WDR41: variants seen among roughly 807,000 people sequenced by gnomAD.
WDR41 encodes WD repeat-containing protein 41.
In WDR41, 63 loss-of-function variants were observed where a neutral mutation model predicts 69.3. The observed-to-expected ratio is 0.91, with a 90% CI of 0.74 to 1.12. WDR41 has a LOEUF of 1.12. Ranked by LOEUF, WDR41 falls within the 50% of genes most tolerant of loss-of-function variation. WDR41 has a pLI of 0.00. For synonymous variants in WDR41, 185 were observed against 192.1 expected (o/e 0.96, Z 0.31); for missense variants, 543 against 534.5 (o/e 1.02, Z -0.16).
intron 10 of WDR41, 75 bp from the exon 11 acceptor site, chr5:77,437,499 A>G: frequency 2.4e-6 from 3 of 1,269,842 alleles, no homozygotes; most frequent in Non-Finnish European, 3.4e-6. Flanking sequence ...AGTGAAAGAA[A>G]TCAGTGGAGC....
intron 1 of WDR41, among the ~76,000 whole-genome samples, chr5:77,565,708 C>T (rs965106867): frequency 2.6e-5 from 4 of 152,258 alleles, no homozygotes; most frequent in East Asian, 1.9e-4. Context: ...TACCTAGTGT[C>T]CTCTAGCCAT....
rs566573406 is a variant in WDR41, at chr5:77,587,201, T to G, written c.42+33278A>C. 3.3e-5 allele frequency among the ~76,000 whole-genome samples: 5 copies of G among 152,040 alleles called. No homozygotes were observed. In the South Asian group the frequency reaches 1.0e-3, roughly 32 times the overall value. On this transcript the variant is annotated intron_variant, in intron 1 of 5. Transcript: ENST00000509971. ...TGCCTGCTCCTGAAGTTTATATAAA[T>G]GATACAACCTGTATTTTTTTGTGTT...
chr5:77,477,157 C>G (rs1329680360), intron 2 of WDR41, among the ~76,000 whole-genome samples: 1 of 147,654 alleles, frequency 6.8e-6, no homozygotes, highest in Non-Finnish European at 1.5e-5. Context: ...AATACAGGAG[C>G]ACCCAGATGA....
chr5:77,456,996 AC>A (rs1417974341), intron 5 of WDR41, among the ~76,000 whole-genome samples: 1 of 152,114 alleles, frequency 6.6e-6, no homozygotes, highest in East Asian at 1.9e-4. Context: ...GAACTACCAC[AC>A]CCAGCCTAGC....
intron 1 of WDR41, among the ~76,000 whole-genome samples, chr5:77,580,420 C>T (rs934289139): frequency 6.6e-6 from 1 of 152,022 alleles, no homozygotes; most frequent in Non-Finnish European, 1.5e-5. Context: ...GAAACTGCCC[C>T]CATGATTCAA....
intron 1 of WDR41, among the ~76,000 whole-genome samples, chr5:77,506,120 A>T (rs751325754): frequency 3.3e-5 from 5 of 152,324 alleles, no homozygotes; most frequent in South Asian, 2.1e-4. Flanking sequence ...ATGCGAGAAA[A>T]TTTTTGCAAT....
chr5:77,592,273 A>G (rs566020371), intron 1 of WDR41, among the ~76,000 whole-genome samples: 1 of 152,140 alleles, frequency 6.6e-6, no homozygotes, highest in Admixed American at 6.6e-5. Context: ...TTTTAAATTG[A>G]GTCTGATAGT....
chr5:77,545,517 C>T (rs1032534651), intron 1 of WDR41: 6 of 238,380 alleles, frequency 2.5e-5, no homozygotes, highest in Non-Finnish European at 4.9e-5. Flanking sequence ...GTCGCAGCCA[C>T]GGAGCTTGCG....
chr5:77,587,888 C>T (rs1458825906), intron 1 of WDR41, among the ~76,000 whole-genome samples: 4 of 152,222 alleles, frequency 2.6e-5, no homozygotes, highest in South Asian at 2.1e-4. Flanking sequence ...GCAGCTAGAG[C>T]GCCATCTCCA....
At chr5:77,593,789 C>T (rs962230237) in intron 1 of WDR41, among the ~76,000 whole-genome samples, 3 of 152,146 alleles carry the variant, frequency 2.0e-5, no homozygotes, top group Non-Finnish European at 2.9e-5. Flanking sequence ...GTCTAATGCT[C>T]ATTCTATTTC....
intron 5 of WDR41, among the ~76,000 whole-genome samples, chr5:77,457,987 T>C (rs1042111075): frequency 1.4e-4 from 22 of 152,104 alleles, no homozygotes; most frequent in African/African-American, 5.1e-4. Flanking sequence ...CAAAAGGAAT[T>C]TCCCCCAAAT....
intron 1 of WDR41, among the ~76,000 whole-genome samples, chr5:77,536,282 G>C (rs972862625): frequency 1.3e-5 from 2 of 151,932 alleles, no homozygotes; most frequent in Admixed American, 6.6e-5. Flanking sequence ...CTAGGTGCCG[G>C]GGACCTATAT....
intron 1 of WDR41, among the ~76,000 whole-genome samples, chr5:77,543,818 T>C (rs1743139304): frequency 6.6e-6 from 1 of 152,064 alleles, no homozygotes; most frequent in Admixed American, 6.5e-5. Flanking sequence ...CCTGGGAAAT[T>C]CATCACAAAA....
chr5:77,570,608 A>C (rs913574053), intron 1 of WDR41, among the ~76,000 whole-genome samples: 2 of 151,144 alleles, frequency 1.3e-5, no homozygotes, highest in Non-Finnish European at 2.9e-5. Flanking sequence ...TTTTAAAAAA[A>C]TGTAATCCTA....
chr5:77,594,739 AG>A (rs1181747559), intron 1 of WDR41, among the ~76,000 whole-genome samples: 16 of 152,238 alleles, frequency 1.1e-4, no homozygotes, highest in East Asian at 1.9e-4. Context: ...TCTGAGCTAC[AG>A]GGGAAAAAAA....
intron 2 of WDR41, among the ~76,000 whole-genome samples, chr5:77,484,290 G>A (rs1801412412): frequency 6.6e-6 from 1 of 152,168 alleles, no homozygotes; most frequent in Admixed American, 6.5e-5. Flanking sequence ...AGCAGCAAGG[G>A]TGGCACACGC....
At chr5:77,608,827 T>G (rs1308925738) in intron 1 of WDR41, among the ~76,000 whole-genome samples, 1 of 152,152 alleles carries the variant, frequency 6.6e-6, no homozygotes, top group African/African-American at 2.4e-5. Context: ...CAGTGCACCG[T>G]GCGCAAGCCG....
chr5:77,583,058 T>C, intron 1 of WDR41: 3 of 1,596,064 alleles, frequency 1.9e-6, no homozygotes, highest in Admixed American at 1.7e-5. Flanking sequence ...ACCCATTTTG[T>C]AGAAGGTAGA....
chr5:77,579,839 T>C (rs1296501680), intron 1 of WDR41, among the ~76,000 whole-genome samples: 1 of 150,924 alleles, frequency 6.6e-6, no homozygotes, highest in Non-Finnish European at 1.5e-5. Context: ...AAGATGTATG[T>C]AATGTGTTGT....
Sources: gnomAD v4.1 joint callset for allele counts (sites outside exome capture counted in the v4.1 genomes callset) on GRCh38, gnomAD v4.1.1 for gene constraint, MANE v1.5 for transcripts, NCBI Gene and HGNC (gene_info 2026-07-23, HGNC 2026-07-21) for gene names.